The following PDE9A variants were observed in gnomAD, a reference collection of about 807,000 sequenced individuals.
PDE9A encodes the protein high affinity cGMP-specific 3',5'-cyclic phosphodiesterase 9A.
PDE9A carries 60 observed loss-of-function variants against 87.4 expected under a neutral mutation model. The ratio of observed to expected loss-of-function variants is 0.69; its 90% CI spans 0.56 to 0.85. PDE9A has a LOEUF of 0.85. Among genes scored for constraint, PDE9A ranks in the 40% least tolerant of loss-of-function variants. PDE9A has a pLI of 0.00. For missense variants in PDE9A, 665 were observed against 779.0 expected, an observed-to-expected ratio of 0.85 and a Z score of 1.74; for synonymous variants, 272 against 279.4, an observed-to-expected ratio of 0.97 and a Z score of 0.27.
At position 42,660,606 on chromosome 21, in the gene PDE9A, C is replaced by G. The variant is rs548371962; in HGVS notation, c.69+6723C>G. Among the ~76,000 whole-genome samples, 8 of 150,718 alleles carry G rather than the reference C, an allele frequency of 5.3e-5. No homozygotes were observed. In the South Asian group the frequency reaches 1.7e-3, roughly 32 times the overall value. ...CCCATGTAACCAAACACCACCCCTT[C>G]CCCAAACACTATTGGAATTAAAAAA... is the stretch of plus-strand genomic sequence containing the variant. On this transcript the variant is annotated intron_variant, in intron 1 of 19. Transcript: ENST00000291539. The surrounding 1 kb of genome is among the most constrained non-coding windows in gnomAD (Gnocchi z 4.7).
chr21:42,749,321 G>A (rs2054190455), intron 8 of PDE9A, among the ~76,000 whole-genome samples: 1 of 152,142 alleles, frequency 6.6e-6, no homozygotes, highest in African/African-American at 2.4e-5. Flanking sequence ...CACAAGCCAG[G>A]CGTGACCCCC....
intron 4 of PDE9A, among the ~76,000 whole-genome samples, chr21:42,725,762 C>T (rs1352892127): frequency 2.0e-5 from 3 of 152,214 alleles, no homozygotes; most frequent in Non-Finnish European, 4.4e-5. Flanking sequence ...GCATCTGCAT[C>T]GTTTGCATTT....
At chr21:42,771,416 C>G (rs938192359) in intron 18 of PDE9A, among the ~76,000 whole-genome samples, 7 of 152,248 alleles carry the variant, frequency 4.6e-5, no homozygotes, top group Admixed American at 3.3e-4. Flanking sequence ...TCCTGCTGCC[C>G]ATGGTGTGGC....
In PDE9A at chr21:42,702,397, T is replaced by C. The variant is rs2048450511; in HGVS notation, c.262+3386T>C. Among the ~76,000 whole-genome samples the C allele has an allele frequency of 6.6e-6, 1 of 152,188 alleles. No homozygotes were observed. Among genetic ancestry groups the C allele is most frequent in the Non-Finnish European group, 1.5e-5 (1 of 68,020 alleles). On this transcript the variant is annotated intron_variant, in intron 4 of 19. Transcript: ENST00000291539. This position sits in a 1 kb window ranked among gnomAD's most constrained non-coding sequence, Gnocchi z 4.9. ...ATTTCCTGTAAATGCTTATACCTCA[T>C]TATAATTCTGTTTCATGCCATTGTC...
At chr21:42,680,633 G>A (rs948456890) in intron 1 of PDE9A, among the ~76,000 whole-genome samples, 1 of 152,236 alleles carries the variant, frequency 6.6e-6, no homozygotes, top group Non-Finnish European at 1.5e-5. Context: ...TACCAACCGT[G>A]AGCTGAGCCA....
intron 4 of PDE9A, among the ~76,000 whole-genome samples, chr21:42,707,178 A>AT (rs2048912662): frequency 6.6e-6 from 1 of 152,216 alleles, no homozygotes; most frequent in African/African-American, 2.4e-5. Flanking sequence ...GATATTAAAA[A>AT]TTTTTTTAAA....
intron 7 of PDE9A, among the ~76,000 whole-genome samples, chr21:42,740,703 A>AGTAGATAGATAGATAG (rs1490054145): frequency 4.3e-5 from 5 of 117,046 alleles, no homozygotes; most frequent in Non-Finnish European, 9.1e-5. Context: ...GTAGGTAGGT[A>AGTAGATAGATAGATAG]GTAGATAGAT....
At chr21:42,677,101 A>G (rs1484582296) in intron 1 of PDE9A, among the ~76,000 whole-genome samples, 1 of 152,220 alleles carries the variant, frequency 6.6e-6, no homozygotes, top group Non-Finnish European at 1.5e-5. Flanking sequence ...GGAGCTCAGC[A>G]TCATGCTGTG....
At chr21:42,670,353 C>T (rs2058415230) in intron 1 of PDE9A, among the ~76,000 whole-genome samples, 4 of 138,934 alleles carry the variant, frequency 2.9e-5, no homozygotes, top group Non-Finnish European at 6.2e-5. Context: ...CATTTACACA[C>T]ACATCCACAC....
chr21:42,742,065 G>C (rs532963150), intron 7 of PDE9A, among the ~76,000 whole-genome samples: 1 of 152,246 alleles, frequency 6.6e-6, no homozygotes, highest in African/African-American at 2.4e-5. Context: ...AGCTTTTCTG[G>C]GGTAAACGTG....
chr21:42,773,977 T>C (rs777909419), intron 19 of PDE9A, among the ~76,000 whole-genome samples: 149 of 150,226 alleles, frequency 9.9e-4, no homozygotes, highest in Non-Finnish European at 1.8e-3. Context: ...TGGTGGTGGG[T>C]GCCTGTATTC....
At position 42,676,335 on chromosome 21, in the gene PDE9A, A is replaced by G. The variant is rs548660105; in HGVS notation, c.70-9857A>G. On this transcript the variant is annotated intron_variant, in intron 1 of 19. Transcript: ENST00000291539. Reference sequence around the variant, plus strand: ...GCCTGTGTAGACTCTTACATCCACAACCACAGTCACAGTCTAGAACATTCC... The same window carrying G: ...GCCTGTGTAGACTCTTACATCCACAGCCACAGTCACAGTCTAGAACATTCC... 5.3e-5 allele frequency among the ~76,000 whole-genome samples: 8 copies of G among 152,116 alleles called. No homozygotes were observed. The South Asian group carries it at 1.7e-3, about 32-fold the overall frequency.
intron 3 of PDE9A, chr21:42,697,378 G>A (rs1039518164): frequency 1.5e-6 from 2 of 1,317,744 alleles, no homozygotes; most frequent in African/African-American, 1.5e-5. Flanking sequence ...AGCTTGGTGT[G>A]TATACCCCTC....
In PDE9A at chr21:42,695,047, C is replaced by T. The variant is rs1169050653; in HGVS notation, c.219-3921C>T. Among the ~76,000 whole-genome samples the T allele has an allele frequency of 1.3e-5, 2 of 152,224 alleles. No homozygotes were observed. Among genetic ancestry groups the T allele is most frequent in the African/African-American group, 4.8e-5 (2 of 41,462 alleles). On this transcript the variant is annotated intron_variant, in intron 3 of 19. Coordinates refer to ENST00000291539, the MANE Select transcript of PDE9A (RefSeq NM_002606.3). This position sits in a 1 kb window ranked among gnomAD's most constrained non-coding sequence, Gnocchi z 4.3. ...GGGGATCCACTGGCAGCTGCCTAAC[C>T]CTTCCTATGCTCCTGGACGTTTGGT...
At position 42,743,832 on chromosome 21, in the gene PDE9A, A is replaced by C; in HGVS notation, c.625A>C (p.Arg209=). Residue 209 remains arginine, a synonymous_variant, in exon 8 of 20, where the codon AGG becomes CGG. Coordinates refer to ENST00000291539, the MANE Select transcript of PDE9A (RefSeq NM_002606.3). ...EKCKSDIKKM[R]EELAARSSRT... is the part of the protein sequence containing the mutation. ...ATGCAAGAGTGACATTAAGAAGATG[A>C]GGGAGGAGCTGGCGGCCAGAAGCAG... 6.3e-7 allele frequency: 1 copy of C among 1,587,994 alleles called. No homozygotes were observed. Among genetic ancestry groups the C allele is most frequent in the South Asian group, 1.1e-5 (1 of 87,074 alleles).
intron 1 of PDE9A, among the ~76,000 whole-genome samples, chr21:42,684,556 C>A (rs1177865656): frequency 6.6e-6 from 1 of 152,246 alleles, no homozygotes; most frequent in African/African-American, 2.4e-5. Context: ...GAAGCAGCCT[C>A]TGCAGGCGAG....
chr21:42,687,583 C>T (rs2146192451), intron 2 of PDE9A, among the ~76,000 whole-genome samples: 1 of 152,176 alleles, frequency 6.6e-6, no homozygotes, highest in Non-Finnish European at 1.5e-5. Flanking sequence ...ACTATGAGTT[C>T]GTCATCTGCT....
Position 42,692,518 on chromosome 21 carries a change from G to A in PDE9A, c.218+4524G>A, listed in dbSNP as rs1487678125. Among the ~76,000 whole-genome samples the A allele has an allele frequency of 2.6e-5, 4 of 152,266 alleles. No homozygotes were observed. Among genetic ancestry groups the A allele is most frequent in the Non-Finnish European group, 5.9e-5 (4 of 68,016 alleles). ...CCAACCTAGTAGTTCTCAGACAACT[G>A]CGTCAGAATCCGCAGGGGGCTTGGT... On this transcript the variant is annotated intron_variant, in intron 3 of 19. Transcript: ENST00000291539. This position sits in a 1 kb window ranked among gnomAD's most constrained non-coding sequence, Gnocchi z 4.3.
chr21:42,667,085 C>G (rs2058055661), intron 1 of PDE9A, among the ~76,000 whole-genome samples: 1 of 152,062 alleles, frequency 6.6e-6, no homozygotes, highest in Non-Finnish European at 1.5e-5. Context: ...ACACAGACTG[C>G]TTCTTTGTCC....
Sources: gnomAD v4.1 joint callset for allele counts (sites outside exome capture counted in the v4.1 genomes callset) on GRCh38, gnomAD v4.1.1 for gene constraint, Gnocchi (gnomAD v3.1) non-coding constraint, MANE v1.5 for transcripts, NCBI Gene and HGNC (gene_info 2026-07-23, HGNC 2026-07-21) for gene names.